FOXN2: variants seen among roughly 807,000 people sequenced by gnomAD.
FOXN2 encodes the protein forkhead box protein N2.
A neutral mutation model predicts 41.2 loss-of-function variants in FOXN2; 19 were observed. The ratio of observed to expected loss-of-function variants is 0.46; its 90% CI spans 0.32 to 0.68. The LOEUF is 0.68. FOXN2 is among the 30% of genes least tolerant of loss of function. The pLI is 0.03. For synonymous variants in FOXN2, 195 were observed against 176.8 expected, an observed-to-expected ratio of 1.10 and a Z score of -0.82; for missense variants, 587 against 509.4, an observed-to-expected ratio of 1.15 and a Z score of -1.47.
chr2:48,364,051 A>C (rs1672372183), intron 5 of FOXN2, among the ~76,000 whole-genome samples: 1 of 152,098 alleles, frequency 6.6e-6, no homozygotes, highest in Non-Finnish European at 1.5e-5. Flanking sequence ...GGTGCACATG[A>C]CTGTATTTTA....
At chr2:48,354,559 C>T (rs891282707) in intron 3 of FOXN2, among the ~76,000 whole-genome samples, 5 of 152,150 alleles carry the variant, frequency 3.3e-5, no homozygotes, top group African/African-American at 1.2e-4. Context: ...GAGACTGTGC[C>T]ACTGCACTCC....
At chr2:48,362,411 A>G (rs1422719136) in intron 4 of FOXN2, among the ~76,000 whole-genome samples, 2 of 152,150 alleles carry the variant, frequency 1.3e-5, no homozygotes, top group African/African-American at 4.8e-5. Context: ...ACCAAAAAAA[A>G]TTAAAAAATT....
chr2:48,318,054 A>C (rs1204036421), intron 1 of FOXN2, among the ~76,000 whole-genome samples: 2 of 152,130 alleles, frequency 1.3e-5, no homozygotes, highest in South Asian at 4.1e-4. Flanking sequence ...CCCTTACCCT[A>C]ACTTTTCTAT....
At chr2:48,348,881 T>G (rs1671278140) in intron 3 of FOXN2, among the ~76,000 whole-genome samples, 1 of 152,228 alleles carries the variant, frequency 6.6e-6, no homozygotes. Context: ...GCTCTCTCTG[T>G]TGCCCTTCCT....
At chr2:48,326,562 C>T (rs1236256654) in intron 1 of FOXN2, among the ~76,000 whole-genome samples, 5 of 152,160 alleles carry the variant, frequency 3.3e-5, no homozygotes, top group Admixed American at 2.6e-4. Flanking sequence ...TGTGGTTGTG[C>T]AGAACACACC....
At chr2:48,333,160 C>A (rs1670121419) in intron 2 of FOXN2, among the ~76,000 whole-genome samples, 1 of 152,080 alleles carries the variant, frequency 6.6e-6, no homozygotes, top group African/African-American at 2.4e-5. Context: ...AGACTCTAAG[C>A]ATGACAACAG....
intron 3 of FOXN2, 64 bp downstream of exon 3, chr2:48,346,815 A>C: frequency 7.4e-7 from 1 of 1,357,328 alleles, no homozygotes; most frequent in South Asian, 1.6e-5. Context: ...TGGAGCCCTT[A>C]AAATATCTGG....
At chr2:48,353,415 C>A (rs1671580149) in intron 3 of FOXN2, among the ~76,000 whole-genome samples, 1 of 152,084 alleles carries the variant, frequency 6.6e-6, no homozygotes, top group Non-Finnish European at 1.5e-5. Flanking sequence ...TTTTTGTACT[C>A]ATTTTGTGTT....
chr2:48,331,732 G>A (rs185470732), intron 2 of FOXN2, among the ~76,000 whole-genome samples: 257 of 151,536 alleles, frequency 1.7e-3, no homozygotes, highest in African/African-American at 5.9e-3. Flanking sequence ...TAGGAGGATC[G>A]CTTGAGCCCA....
Position 48,373,323 on chromosome 2 carries a change from G to T in FOXN2, c.735G>T (p.Met245Ile), listed in dbSNP as rs374979868. ...ATATTGATGCTGCTGCTGCAATGAT[G>T]CTTTTAAATACTTCTATAGAACAAG... ...ESDIDAAAAM[M>I]LLNTSIEQGI... Residue 245 changes from methionine (M) to isoleucine (I), a missense_variant, in exon 6 of 7, where the codon ATG (methionine) becomes ATT (isoleucine). Physicochemically the swap from Met to Ile is conservative, Grantham distance 10. Transcript: ENST00000340553. 8.8e-6 allele frequency: 14 copies of T among 1,591,670 alleles called. No homozygotes were observed. The highest frequency in any genetic ancestry group is 6.8e-5 in the African/African-American group (5 of 73,260).
At chr2:48,351,392 A>G (rs1019509274) in intron 3 of FOXN2, among the ~76,000 whole-genome samples, 10 of 152,318 alleles carry the variant, frequency 6.6e-5, no homozygotes, top group African/African-American at 2.4e-4. Flanking sequence ...GAAGGCAAAC[A>G]GTTAATCATA....
chr2:48,370,862 C>G (rs1672846047), intron 5 of FOXN2, among the ~76,000 whole-genome samples: 1 of 152,022 alleles, frequency 6.6e-6, no homozygotes, highest in Admixed American at 6.6e-5. Flanking sequence ...TTCATAAAAT[C>G]TTTTCCCAGA....
In FOXN2 at chr2:48,314,859, GCC is replaced by G. The variant is rs541512308; in HGVS notation, c.-157+48_-157+49del. 1.3e-4 allele frequency: 19 copies of G among 151,958 alleles called. 1 individual carries two copies. In the South Asian group the frequency reaches 2.9e-3, roughly 23 times the overall value. The allele number at this position is 151,958 out of a possible 1,614,324, so 9.4% of individuals were successfully genotyped here. A position where few individuals can be genotyped will look rare whatever the true frequency, so the allele number is the denominator to read the frequency against. On this transcript the variant is annotated intron_variant, in intron 1 of 6. Transcript: ENST00000340553. Reference sequence around the variant, plus strand: ...GTCCCCTCCAGGGTCGGCGCTCCCCGCCCCAGCCCGCGGCGCAGCTCCCGGGC... The same window carrying G: ...GTCCCCTCCAGGGTCGGCGCTCCCCGCCAGCCCGCGGCGCAGCTCCCGGGC...
intron 2 of FOXN2, among the ~76,000 whole-genome samples, chr2:48,331,807 A>G (rs76837024): frequency 7.0e-6 from 1 of 142,444 alleles, no homozygotes; most frequent in Non-Finnish European, 1.5e-5. Flanking sequence ...ACAGAACCAG[A>G]AAAAAAAAAA....
intron 5 of FOXN2, among the ~76,000 whole-genome samples, chr2:48,372,261 T>C (rs1359809463): frequency 1.3e-5 from 2 of 152,204 alleles, no homozygotes; most frequent in African/African-American, 4.8e-5. Flanking sequence ...GTTAGTGTTA[T>C]CAATAACAAC....
chr2:48,323,656 T>C (rs1669483796), intron 1 of FOXN2, among the ~76,000 whole-genome samples: 1 of 152,172 alleles, frequency 6.6e-6, no homozygotes, highest in Admixed American at 6.5e-5. Flanking sequence ...AGTTTGCAAA[T>C]ATTTTCTCCC....
At chr2:48,317,080 C>A (rs1214712509) in intron 1 of FOXN2, among the ~76,000 whole-genome samples, 1 of 152,036 alleles carries the variant, frequency 6.6e-6, no homozygotes, top group Non-Finnish European at 1.5e-5. Flanking sequence ...TCATAAAATA[C>A]TTATATAAGG....
intron 1 of FOXN2, among the ~76,000 whole-genome samples, chr2:48,323,960 C>CT (rs1669502174): frequency 6.6e-6 from 1 of 152,004 alleles, no homozygotes; most frequent in African/African-American, 2.4e-5. Flanking sequence ...TTTAGTAGTG[C>CT]TTTTTATACA....
At chr2:48,340,045 G>A (rs1235492157) in intron 2 of FOXN2, among the ~76,000 whole-genome samples, 1 of 152,162 alleles carries the variant, frequency 6.6e-6, no homozygotes, top group African/African-American at 2.4e-5. Flanking sequence ...AATGTGGAAG[G>A]CTAAGTAATG....
Sources: gnomAD v4.1 joint callset for allele counts (sites outside exome capture counted in the v4.1 genomes callset) on GRCh38, gnomAD v4.1.1 for gene constraint, MANE v1.5 for transcripts, NCBI Gene and HGNC (gene_info 2026-07-23, HGNC 2026-07-21) for gene names.